Variants in SLC1A2 observed in about 807,000 individuals in gnomAD.
SLC1A2 encodes the protein excitatory amino acid transporter 2.
Under a neutral mutation model 48.8 loss-of-function variants are expected in SLC1A2, and 15 were observed. The observed-to-expected ratio is 0.31, with a 90% CI of 0.21 to 0.47. SLC1A2 has a LOEUF of 0.47. SLC1A2 is among the 20% of genes least tolerant of loss of function. The pLI, the probability that SLC1A2 is intolerant of heterozygous loss-of-function variation, is 0.99. For missense variants in SLC1A2, 502 were observed against 730.5 expected (o/e 0.69, Z 3.61); for synonymous variants, 279 against 272.6 (o/e 1.02, Z -0.23).
intron 6 of SLC1A2, among the ~76,000 whole-genome samples, chr11:35,296,516 C>T (rs1463041426): frequency 1.3e-5 from 2 of 152,122 alleles, no homozygotes; most frequent in African/African-American, 2.4e-5. Context: ...GTTTATTATT[C>T]CTCCAGAGAC....
At chr11:35,369,386 T>C (rs1037717070) in intron 1 of SLC1A2, among the ~76,000 whole-genome samples, 2 of 152,214 alleles carry the variant, frequency 1.3e-5, no homozygotes, top group Non-Finnish European at 2.9e-5. Flanking sequence ...TCCATCCTCA[T>C]ACTAGAATCA....
At chr11:35,330,245 G>A (rs1200491062) in intron 1 of SLC1A2, among the ~76,000 whole-genome samples, 1 of 152,150 alleles carries the variant, frequency 6.6e-6, no homozygotes, top group East Asian at 1.9e-4. Context: ...TCCCAGACCT[G>A]CACACAACCT....
chr11:35,403,140 C>T (rs148311173), intron 1 of SLC1A2, among the ~76,000 whole-genome samples: 1 of 152,296 alleles, frequency 6.6e-6, no homozygotes, highest in Admixed American at 6.5e-5. Context: ...GGCACTATGC[C>T]GAACGCTTCA....
chr11:35,316,552 C>T (rs192292106), intron 2 of SLC1A2: 3 of 152,324 alleles, frequency 2.0e-5, no homozygotes, highest in Admixed American at 6.5e-5. Context: ...GCAACCAAGG[C>T]ATCTGTCTCA....
chr11:35,353,043 C>T (rs1342572861), intron 1 of SLC1A2, among the ~76,000 whole-genome samples: 2 of 151,300 alleles, frequency 1.3e-5, no homozygotes, highest in East Asian at 1.9e-4. Flanking sequence ...CTAAGATAGG[C>T]TTTTTTTTTA....
intron 1 of SLC1A2, among the ~76,000 whole-genome samples, chr11:35,335,762 A>C (rs891201603): frequency 2.0e-5 from 3 of 152,324 alleles, no homozygotes; most frequent in South Asian, 2.1e-4. Context: ...CAGGAGTTCA[A>C]GACCAACCTG....
At chr11:35,344,075 C>T (rs976617666) in intron 1 of SLC1A2, among the ~76,000 whole-genome samples, 3 of 151,696 alleles carry the variant, frequency 2.0e-5, no homozygotes, top group Admixed American at 2.0e-4. Context: ...ACAGGTGAGA[C>T]CTAAGTATAA....
At chr11:35,262,339 T>C (rs1340077611) in intron 10 of SLC1A2, among the ~76,000 whole-genome samples, 1 of 152,206 alleles carries the variant, frequency 6.6e-6, no homozygotes, top group Non-Finnish European at 1.5e-5. Flanking sequence ...TTTTGTTTTT[T>C]TGTTTGTAAA....
At chr11:35,284,281 T>C (rs1439340260) in intron 8 of SLC1A2, among the ~76,000 whole-genome samples, 1 of 151,872 alleles carries the variant, frequency 6.6e-6, no homozygotes, top group Non-Finnish European at 1.5e-5. Context: ...ATTTTCTCCA[T>C]CTGTAAAATA....
At chr11:35,270,878 T>C (rs1473538439) in intron 9 of SLC1A2, among the ~76,000 whole-genome samples, 2 of 152,244 alleles carry the variant, frequency 1.3e-5, no homozygotes, top group Non-Finnish European at 2.9e-5. Context: ...AAATCATGTA[T>C]GGCCTTATCA....
At chr11:35,382,925 G>T (rs567323997) in intron 1 of SLC1A2, among the ~76,000 whole-genome samples, 53 of 152,220 alleles carry the variant, frequency 3.5e-4, no homozygotes, top group African/African-American at 1.3e-3. Flanking sequence ...ATCTGAATCT[G>T]AAAACTGATC....
At chr11:35,277,236 C>T (rs960049358) in intron 9 of SLC1A2, among the ~76,000 whole-genome samples, 1 of 152,166 alleles carries the variant, frequency 6.6e-6, no homozygotes, top group African/African-American at 2.4e-5. Flanking sequence ...CTTCTCCAAC[C>T]GTTCCAACTC....
intron 1 of SLC1A2, among the ~76,000 whole-genome samples, chr11:35,367,603 T>C (rs76910054): frequency 0.025 from 3,753 of 152,288 alleles, 137 homozygotes; most frequent in African/African-American, 0.086. Flanking sequence ...TTTTCTCCTA[T>C]TAAGAGATCA....
At chr11:35,394,034 C>G (rs1259339887) in intron 1 of SLC1A2, among the ~76,000 whole-genome samples, 2 of 151,924 alleles carry the variant, frequency 1.3e-5, no homozygotes, top group Non-Finnish European at 2.9e-5. Flanking sequence ...TCAACTGAGC[C>G]CTTCCTTCCT....
intron 1 of SLC1A2, among the ~76,000 whole-genome samples, chr11:35,337,895 A>G (rs1852690180): frequency 6.6e-6 from 1 of 152,198 alleles, no homozygotes; most frequent in African/African-American, 2.4e-5. Flanking sequence ...ATAATTCATC[A>G]TATCTCATTA....
intron 6 of SLC1A2, among the ~76,000 whole-genome samples, chr11:35,295,833 C>T (rs992339752): frequency 3.3e-5 from 5 of 152,186 alleles, no homozygotes; most frequent in African/African-American, 1.2e-4. Flanking sequence ...CACTCATCTA[C>T]AGCAGGCAAG....
intron 1 of SLC1A2, among the ~76,000 whole-genome samples, chr11:35,379,229 C>CA (rs1395252888): frequency 3.3e-5 from 5 of 150,394 alleles, no homozygotes; most frequent in Non-Finnish European, 5.9e-5. Context: ...AACTCTGTCT[C>CA]AAAAAAAAAG....
At chr11:35,324,694 C>T (rs564236328) in intron 1 of SLC1A2, among the ~76,000 whole-genome samples, 1 of 152,258 alleles carries the variant, frequency 6.6e-6, no homozygotes, top group Admixed American at 6.5e-5. Flanking sequence ...GTCCCACTGC[C>T]ATCAGCCTCC....
chr11:35,306,045 GCAGAATCCCGGACCAC>G lies in SLC1A2; in HGVS notation c.730+13_730+28del. The G allele has an allele frequency of 6.2e-7, 1 of 1,607,448 alleles. No individual in the cohort carries two copies. The highest frequency in any genetic ancestry group is 8.5e-7 in the Non-Finnish European group (1 of 1,175,196). On this transcript the variant is annotated intron_variant, in intron 5 of 10. Transcript: ENST00000278379. ...GGATAGCCCAGCCATTGCCAGGGAA[GCAGAATCCCGGACCAC>G]CAGCTGGCCTACCTAAGACGTTCAT...
Sources: allele counts gnomAD v4.1 joint callset (sites outside exome capture counted in the v4.1 genomes callset), GRCh38; gene constraint gnomAD v4.1.1; transcripts MANE v1.5; gene names NCBI Gene and HGNC (gene_info 2026-07-23, HGNC 2026-07-21).